TPP2: variants seen among roughly 807,000 people sequenced by gnomAD.
TPP2 encodes tripeptidyl-peptidase 2.
A neutral mutation model predicts 155.9 loss-of-function variants in TPP2; 34 were observed. The observed-to-expected ratio is 0.22, with a 90% CI of 0.17 to 0.29. TPP2 has a LOEUF of 0.29. TPP2 is among the 10% of genes least tolerant of loss of function. The pLI is 1.00. For missense variants in TPP2, 1,028 were observed against 1,522.3 expected (o/e 0.68, Z 5.40); for synonymous variants, 510 against 529.4 (o/e 0.96, Z 0.50).
chr13:102,599,398 C>T (rs538733366), intron 1 of TPP2, among the ~76,000 whole-genome samples: 1 of 151,534 alleles, frequency 6.6e-6, no homozygotes, highest in East Asian at 1.9e-4. Flanking sequence ...ATTTTTTTTT[C>T]CTGTACCTTT....
rs1885469012 is a variant in TPP2 at position 102,679,003 on chromosome 13, C to T, written c.*687C>T. 6.6e-6 allele frequency: 1 copy of T among 152,370 alleles called. No individual in the cohort carries two copies. The highest frequency in any genetic ancestry group is 1.5e-5 in the Non-Finnish European group (1 of 67,996). The allele number at this position is 152,370 out of a possible 1,614,324, so 9.4% of individuals were successfully genotyped here. A position where few individuals can be genotyped will look rare whatever the true frequency, so the allele number is the denominator to read the frequency against. ...GAATACATGTGTAAGTGCCAGACAG[C>T]TGAATCTTTATCAGGTATTGTAAAG... On this transcript the variant is annotated 3_prime_UTR_variant, in exon 30 of 30. Transcript: ENST00000376052.
rs764363545 is a variant in TPP2 at position 102,651,390 on chromosome 13, T to C, written c.2984T>C (p.Phe995Ser). 1.5e-5 allele frequency: 24 copies of C among 1,580,418 alleles called. No homozygotes were observed. ...TCTGCAGCAAAACGACAAGGAAAATTTAAAAAGGTACTGATTGTCAGTTCT... is the reference window on the plus strand; with the variant it reads ...TCTGCAGCAAAACGACAAGGAAAATCTAAAAAGGTACTGATTGTCAGTTCT... ...GQSAAKRQGK[F>S]KKDVIPVHYY... is the part of the protein sequence containing the mutation. The change falls in exon 24 of 30, where the codon TTT becomes TCT. Residue 995 changes from phenylalanine (F) to serine (S), a missense_variant. Physicochemically the swap from Phe to Ser is radical, Grantham distance 155. Transcript: ENST00000376052.
At chr13:102,663,183 C>T (rs950681807) in intron 25 of TPP2, among the ~76,000 whole-genome samples, 2 of 151,964 alleles carry the variant, frequency 1.3e-5, no homozygotes, top group Non-Finnish European at 2.9e-5. Context: ...GAGTCTCACT[C>T]TGTCACCCGG....
chr13:102,639,924 A>G (rs1404671295), intron 15 of TPP2, among the ~76,000 whole-genome samples: 1 of 152,244 alleles, frequency 6.6e-6, no homozygotes, highest in African/African-American at 2.4e-5. Context: ...TGATTTTAAT[A>G]TCTAGGACTC....
chr13:102,675,821 A>T (rs1885251309), intron 28 of TPP2, among the ~76,000 whole-genome samples: 1 of 152,198 alleles, frequency 6.6e-6, no homozygotes, highest in Non-Finnish European at 1.5e-5. Flanking sequence ...TCCACATTCC[A>T]AAGTAGAGAC....
At chr13:102,619,364 T>C (rs1171922117) in intron 5 of TPP2, among the ~76,000 whole-genome samples, 1 of 152,172 alleles carries the variant, frequency 6.6e-6, no homozygotes, top group African/African-American at 2.4e-5. Flanking sequence ...CCTTCTTGAG[T>C]TACTATCTGC....
Position 102,644,895 on chromosome 13 carries a change from G to A in TPP2, c.2293-14G>A. 6.2e-7 allele frequency: 1 copy of A among 1,608,896 alleles called. No homozygotes were observed. The highest frequency in any genetic ancestry group is 8.5e-7 in the Non-Finnish European group (1 of 1,178,356). On this transcript the variant is annotated splice_polypyrimidine_tract_variant and intron_variant, in intron 18 of 29. Transcript: ENST00000376052. ...AGTAAAGTTTGAGAAAGTAATTTGA[G>A]AAATCCTTTGTAGCATGCATCGGAA...
intron 27 of TPP2, among the ~76,000 whole-genome samples, chr13:102,669,075 A>G (rs540584844): frequency 6.6e-6 from 1 of 152,318 alleles, no homozygotes; most frequent in South Asian, 2.1e-4. Context: ...AATTCAGTTG[A>G]ACCGCACCAT....
rs1214547417 is a variant in TPP2, at chr13:102,616,292, T to C, written c.391-104T>C. 3 of 876,444 alleles carry C rather than the reference T, an allele frequency of 3.4e-6. No homozygotes were observed. The African/African-American group carries it at 5.1e-5, about 15-fold the overall frequency. 54.3% of individuals were successfully genotyped at this position (876,444 alleles called of 1,614,324 possible). On this transcript the variant is annotated intron_variant, in intron 3 of 29. Transcript: ENST00000376052. ...TTTTAAAACCTCTCTATGAGAATTG[T>C]GTAGTATCACAACTGTACCAACAAA... is the stretch of plus-strand genomic sequence containing the variant.
intron 24 of TPP2, among the ~76,000 whole-genome samples, chr13:102,652,499 C>T (rs530268879): frequency 2.4e-5 from 3 of 123,350 alleles, no homozygotes; most frequent in Non-Finnish European, 3.4e-5. Flanking sequence ...AGACGTGCTA[C>T]GTCATTCAAC....
chr13:102,667,991 G>C (rs1884718739), intron 27 of TPP2: 2 of 191,504 alleles, frequency 1.0e-5, no homozygotes, highest in Admixed American at 1.3e-4. Context: ...GAGATTTAAT[G>C]ACAAAGGCTT....
chr13:102,646,509 G>T, intron 20 of TPP2, 119 bp downstream of exon 20: 1 of 603,464 alleles, frequency 1.7e-6, no homozygotes, highest in Non-Finnish European at 2.7e-6. Context: ...AGAATCAAGT[G>T]ATTAACAGTT....
chr13:102,609,793 C>T (rs1396759088), intron 2 of TPP2, among the ~76,000 whole-genome samples: 1 of 152,146 alleles, frequency 6.6e-6, no homozygotes, highest in Non-Finnish European at 1.5e-5. Flanking sequence ...CCTCCCACCA[C>T]ATCCCTCCCC....
chr13:102,633,736 T>TA (rs1393165586), intron 10 of TPP2, among the ~76,000 whole-genome samples: 1 of 152,200 alleles, frequency 6.6e-6, no homozygotes, highest in Non-Finnish European at 1.5e-5. Flanking sequence ...TCTGTACACT[T>TA]ACAAGGAAAA....
At chr13:102,633,821 C>T (rs374417683) in intron 10 of TPP2, 129 bp from the exon 11 acceptor site, 3 of 1,306,954 alleles carry the variant, frequency 2.3e-6, no homozygotes, top group East Asian at 4.8e-5. Context: ...GTATCTGTGT[C>T]ACTATTTGTA....
At chr13:102,663,421 C>G (rs1884384356) in intron 25 of TPP2, among the ~76,000 whole-genome samples, 1 of 152,216 alleles carries the variant, frequency 6.6e-6, no homozygotes, top group Non-Finnish European at 1.5e-5. Flanking sequence ...GCTGGGATTA[C>G]AGGGGTGAGC....
At chr13:102,667,441 TATC>T (rs1411038131) in intron 27 of TPP2, among the ~76,000 whole-genome samples, 1 of 152,220 alleles carries the variant, frequency 6.6e-6, no homozygotes, top group African/African-American at 2.4e-5. Context: ...TTATGAAACT[TATC>T]ATCTAATATA....
chr13:102,635,265 C>A (rs1882291079), intron 11 of TPP2, among the ~76,000 whole-genome samples: 1 of 152,270 alleles, frequency 6.6e-6, no homozygotes, highest in East Asian at 1.9e-4. Context: ...CTTGTTTAAC[C>A]CAGCAGTGTT....
chr13:102,637,290 AGGTT>A, intron 14 of TPP2, 51 bp downstream of exon 14: 1 of 1,543,196 alleles, frequency 6.5e-7, no homozygotes, highest in Non-Finnish European at 8.6e-7. Context: ...AATGTTTAAA[AGGTT>A]AAAAAAAAAT....
Sources: allele counts gnomAD v4.1 joint callset (sites outside exome capture counted in the v4.1 genomes callset), GRCh38; gene constraint gnomAD v4.1.1; transcripts MANE v1.5; gene names NCBI Gene and HGNC (gene_info 2026-07-23, HGNC 2026-07-21).